DACH2: variants seen among roughly 807,000 people sequenced by gnomAD.
DACH2 encodes the protein dachshund homolog 2.
In DACH2, 17 loss-of-function variants were observed where a neutral mutation model predicts 35.8. The observed-to-expected ratio is 0.48, with a 90% CI of 0.33 to 0.71. DACH2 has a LOEUF of 0.71. Ranked by LOEUF, DACH2 falls within the 30% of genes least tolerant of loss-of-function variation. The pLI, the probability that DACH2 is intolerant of heterozygous loss-of-function variation, is 0.02. For missense variants in DACH2, 469 were observed against 472.7 expected (o/e 0.99, Z 0.07); for synonymous variants, 195 against 177.3 (o/e 1.10, Z -0.79).
intron 1 of DACH2, among the ~76,000 whole-genome samples, chrX:86,218,898 G>T (rs1189299621): frequency 1.8e-5 from 2 of 111,697 alleles, no homozygotes; most frequent in African/African-American, 6.5e-5. Flanking sequence ...TGTGATAGGA[G>T]AATATTTAAA....
intron 1 of DACH2, among the ~76,000 whole-genome samples, chrX:86,282,847 G>A (rs2034062688): frequency 3.3e-5 from 1 of 30,365 alleles, no homozygotes; most frequent in Non-Finnish European, 4.8e-5. Context: ...GCGGGATCTC[G>A]GCTCACTGCA....
intron 3 of DACH2, among the ~76,000 whole-genome samples, chrX:86,636,659 G>T (rs1387688959): frequency 9.0e-6 from 1 of 111,106 alleles, no homozygotes; most frequent in African/African-American, 3.3e-5. Flanking sequence ...CAAGCTGTAT[G>T]CAGAAGATTG....
intron 11 of DACH2, among the ~76,000 whole-genome samples, chrX:86,816,483 G>A (rs1290255917): frequency 8.9e-6 from 1 of 111,735 alleles, no homozygotes; most frequent in Non-Finnish European, 1.9e-5. Context: ...TCACCACTTT[G>A]CTGTTTGTAA....
At chrX:86,316,863 T>C (rs2034919808) in intron 1 of DACH2, among the ~76,000 whole-genome samples, 1 of 111,366 alleles carries the variant, frequency 9.0e-6, no homozygotes, top group African/African-American at 3.3e-5. Flanking sequence ...CTCACGCCTG[T>C]AATCCCAGCA....
chrX:86,316,205 C>T (rs1323490765), intron 1 of DACH2, among the ~76,000 whole-genome samples: 1 of 110,313 alleles, frequency 9.1e-6, no homozygotes, highest in Non-Finnish European at 1.9e-5. Flanking sequence ...CTGCAGGCAT[C>T]CCCCCTGTGT....
At chrX:86,696,017 C>T (rs1405517997) in intron 5 of DACH2, among the ~76,000 whole-genome samples, 1 of 111,898 alleles carries the variant, frequency 8.9e-6, no homozygotes, top group Admixed American at 9.5e-5. Context: ...TATTACTTAG[C>T]AATCACACTA....
chrX:86,429,685 C>A (rs1180881706), intron 2 of DACH2, among the ~76,000 whole-genome samples: 1 of 109,834 alleles, frequency 9.1e-6, no homozygotes, highest in Admixed American at 9.8e-5. Flanking sequence ...CTTAGCCTCC[C>A]GAGTAGCTGG....
intron 7 of DACH2, among the ~76,000 whole-genome samples, chrX:86,750,414 C>A (rs1203111378): frequency 3.6e-5 from 4 of 111,671 alleles, no homozygotes; most frequent in South Asian, 3.7e-4. Context: ...AATTCTATTT[C>A]TATTATTATT....
At chrX:86,181,922 T>C (rs1214381869) in intron 1 of DACH2, among the ~76,000 whole-genome samples, 1 of 112,431 alleles carries the variant, frequency 8.9e-6, no homozygotes, top group African/African-American at 3.2e-5. Context: ...GATTTGCATT[T>C]CTCTAATGAC....
intron 3 of DACH2, among the ~76,000 whole-genome samples, chrX:86,535,650 C>T (rs187931518): frequency 1.0e-3 from 114 of 110,540 alleles, no homozygotes; most frequent in African/African-American, 3.4e-3. Context: ...GCCTTAGCCA[C>T]GCCAAAGTAT....
intron 1 of DACH2, among the ~76,000 whole-genome samples, chrX:86,317,586 T>G (rs1019180598): frequency 8.9e-6 from 1 of 112,300 alleles, no homozygotes; most frequent in African/African-American, 3.2e-5. Flanking sequence ...TAAAAACAAC[T>G]TATGATAGGA....
Position 86,268,743 on chromosome X carries a change from A to C in DACH2, c.489-108081A>C, listed in dbSNP as rs774980720. 3.6e-5 allele frequency among the ~76,000 whole-genome samples: 4 copies of C among 110,021 alleles called. No homozygotes were observed. The East Asian group carries it at 1.1e-3, about 32-fold the overall frequency. ...GAGACAGGGTTTCGCCATGTTGGCCAGGCTGGTCTCAAACTCCTGACCTCA... is the reference window on the plus strand; with the variant it reads ...GAGACAGGGTTTCGCCATGTTGGCCCGGCTGGTCTCAAACTCCTGACCTCA... On this transcript the variant is annotated intron_variant, in intron 1 of 11. Coordinates refer to ENST00000373125, the MANE Select transcript of DACH2 (RefSeq NM_053281.3).
intron 2 of DACH2, among the ~76,000 whole-genome samples, chrX:86,506,034 A>T (rs2148262221): frequency 8.9e-6 from 1 of 111,950 alleles, no homozygotes; most frequent in South Asian, 3.7e-4. Flanking sequence ...GCTATACAAC[A>T]AATTGTGATG....
intron 7 of DACH2, among the ~76,000 whole-genome samples, chrX:86,765,834 T>C (rs2041930138): frequency 9.4e-6 from 1 of 106,892 alleles, no homozygotes; most frequent in Non-Finnish European, 1.9e-5. Flanking sequence ...AATCCGTAAA[T>C]TGCTTTGAGC....
chrX:86,439,278 T>G (rs1454572965), intron 2 of DACH2, among the ~76,000 whole-genome samples: 3 of 112,168 alleles, frequency 2.7e-5, no homozygotes, highest in Non-Finnish European at 5.6e-5. Context: ...TTGTTTGAGT[T>G]CCTTGTGTAT....
At chrX:86,255,209 T>G (rs2033493900) in intron 1 of DACH2, among the ~76,000 whole-genome samples, 1 of 111,358 alleles carries the variant, frequency 9.0e-6, no homozygotes, top group Non-Finnish European at 1.9e-5. Context: ...TTTTTCTCTT[T>G]AATGTAAATC....
intron 1 of DACH2, among the ~76,000 whole-genome samples, chrX:86,212,966 T>C (rs747662846): frequency 8.9e-4 from 99 of 111,712 alleles, no homozygotes; most frequent in Non-Finnish European, 7.0e-4. Flanking sequence ...TATCTGACTT[T>C]ACATACACTC....
intron 2 of DACH2, among the ~76,000 whole-genome samples, chrX:86,446,204 T>C (rs1246957487): frequency 9.0e-6 from 1 of 110,969 alleles, no homozygotes; most frequent in Non-Finnish European, 1.9e-5. Context: ...GGAATGTCTT[T>C]TTTTATTCCT....
intron 5 of DACH2, among the ~76,000 whole-genome samples, chrX:86,712,283 C>T (rs935899650): frequency 1.4e-4 from 15 of 110,925 alleles, no homozygotes; most frequent in Non-Finnish European, 2.3e-4. Context: ...ATAGCATAAG[C>T]TATATGATAA....
Sources: gnomAD v4.1 joint callset for allele counts (sites outside exome capture counted in the v4.1 genomes callset) on GRCh38, gnomAD v4.1.1 for gene constraint, MANE v1.5 for transcripts, NCBI Gene and HGNC (gene_info 2026-07-23, HGNC 2026-07-21) for gene names.